The following SLC9A9 variants were observed in gnomAD, a reference collection of about 807,000 sequenced individuals.
The protein encoded by SLC9A9 is solute carrier family 9 member A9.
In SLC9A9, 62 loss-of-function variants were observed where a neutral mutation model predicts 77.8. The observed-to-expected ratio is 0.80, with a 90% CI of 0.65 to 0.98. The LOEUF (loss-of-function observed/expected upper bound fraction) is 0.98. SLC9A9 is among the 50% of genes least tolerant of loss of function. SLC9A9 has a pLI of 0.00. For synonymous variants in SLC9A9, 320 were observed against 283.5 expected, an observed-to-expected ratio of 1.13 and a Z score of -1.29; for missense variants, 775 against 774.9, an observed-to-expected ratio of 1.00 and a Z score of 0.00.
At chr3:143,646,873 A>G (rs1560010902) in intron 6 of SLC9A9, among the ~76,000 whole-genome samples, 1 of 152,156 alleles carries the variant, frequency 6.6e-6, no homozygotes, top group Non-Finnish European at 1.5e-5. Context: ...AGTCCTGAAG[A>G]TTTAAATATT....
At chr3:143,637,178 T>A (rs2038537286) in intron 6 of SLC9A9, among the ~76,000 whole-genome samples, 1 of 152,082 alleles carries the variant, frequency 6.6e-6, no homozygotes, top group Non-Finnish European at 1.5e-5. Context: ...AAAATATGGA[T>A]CATAAGGGAG....
At chr3:143,322,789 T>C in intron 14 of SLC9A9, among the ~76,000 whole-genome samples, 1 of 152,226 alleles carries the variant, frequency 6.6e-6, no homozygotes, top group South Asian at 2.1e-4. Context: ...GAGTCTGACA[T>C]GGTCTTCACA....
chr3:143,567,994 C>T (rs1413509838), intron 8 of SLC9A9, among the ~76,000 whole-genome samples: 1 of 152,082 alleles, frequency 6.6e-6, no homozygotes, highest in African/African-American at 2.4e-5. Flanking sequence ...GTTGAAATAC[C>T]TCATGGACTA....
chr3:143,753,850 G>C (rs150690435), intron 4 of SLC9A9, among the ~76,000 whole-genome samples: 118 of 152,154 alleles, frequency 7.8e-4, no homozygotes, highest in African/African-American at 2.7e-3. Flanking sequence ...TATATAAGAA[G>C]GTGAAGAAAA....
intron 9 of SLC9A9, among the ~76,000 whole-genome samples, chr3:143,538,423 A>G (rs137960296): frequency 9.6e-4 from 146 of 152,328 alleles, no homozygotes; most frequent in African/African-American, 3.1e-3. Context: ...CCAGAAATGA[A>G]TACAGGCAGT....
At chr3:143,555,464 A>T (rs2036964227) in intron 8 of SLC9A9, among the ~76,000 whole-genome samples, 2 of 152,152 alleles carry the variant, frequency 1.3e-5, no homozygotes, top group African/African-American at 4.8e-5. Context: ...CATGGTAGGC[A>T]CTCCGTATTT....
intron 6 of SLC9A9, among the ~76,000 whole-genome samples, chr3:143,595,103 T>C (rs566842515): frequency 7.7e-4 from 118 of 152,296 alleles, no homozygotes; most frequent in Non-Finnish European, 1.4e-3. Flanking sequence ...AGACTTCTTT[T>C]TGAATGCATG....
chr3:143,765,374 G>C (rs1287825408), intron 4 of SLC9A9, among the ~76,000 whole-genome samples: 2 of 151,998 alleles, frequency 1.3e-5, no homozygotes, highest in Non-Finnish European at 2.9e-5. Flanking sequence ...GGTTCAGATC[G>C]TATGAGTGTC....
At chr3:143,385,390 T>C (rs2108500948) in intron 12 of SLC9A9, among the ~76,000 whole-genome samples, 1 of 152,314 alleles carries the variant, frequency 6.6e-6, no homozygotes, top group East Asian at 1.9e-4. Flanking sequence ...CCAACTCCCA[T>C]TGCCTTGGAG....
intron 14 of SLC9A9, among the ~76,000 whole-genome samples, chr3:143,298,983 C>T (rs563347783): frequency 6.6e-6 from 1 of 152,288 alleles, no homozygotes; most frequent in South Asian, 2.1e-4. Flanking sequence ...TCTCAGAGAT[C>T]ATTGTATTAA....
At chr3:143,280,050 T>G (rs1022617653) in intron 14 of SLC9A9, among the ~76,000 whole-genome samples, 1 of 152,018 alleles carries the variant, frequency 6.6e-6, no homozygotes, top group African/African-American at 2.4e-5. Flanking sequence ...CGAACTCCTG[T>G]GCTCAAGCAA....
intron 6 of SLC9A9, among the ~76,000 whole-genome samples, chr3:143,608,519 A>G (rs1315835764): frequency 1.3e-5 from 2 of 152,220 alleles, no homozygotes; most frequent in Non-Finnish European, 2.9e-5. Context: ...TCAGCGGGCC[A>G]AGGACCACCA....
intron 5 of SLC9A9, among the ~76,000 whole-genome samples, chr3:143,683,722 A>C (rs1459406784): frequency 6.6e-6 from 1 of 152,020 alleles, no homozygotes. Context: ...AAAAATTATG[A>C]CCTCTCATCT....
intron 6 of SLC9A9, among the ~76,000 whole-genome samples, chr3:143,588,563 T>A (rs2037593971): frequency 6.6e-6 from 1 of 152,074 alleles, no homozygotes; most frequent in Non-Finnish European, 1.5e-5. Flanking sequence ...GGAAGAAGAG[T>A]TAAAGGAGGT....
chr3:143,749,965 G>A (rs1455048618), intron 4 of SLC9A9, among the ~76,000 whole-genome samples: 3 of 152,082 alleles, frequency 2.0e-5, no homozygotes, highest in African/African-American at 7.2e-5. Flanking sequence ...AAATTACGCA[G>A]GCTCTCCTGC....
At chr3:143,829,862 T>C (rs2009390039) in intron 2 of SLC9A9, among the ~76,000 whole-genome samples, 1 of 152,192 alleles carries the variant, frequency 6.6e-6, no homozygotes, top group African/African-American at 2.4e-5. Context: ...TTTATACACA[T>C]CATCTCATTT....
intron 14 of SLC9A9, among the ~76,000 whole-genome samples, chr3:143,312,573 T>C (rs1402407517): frequency 2.0e-5 from 3 of 152,226 alleles, no homozygotes; most frequent in African/African-American, 4.8e-5. Flanking sequence ...TGCTTTTCTT[T>C]CTAGTAGCTG....
chr3:143,658,928 T>TA (rs2038938130), intron 5 of SLC9A9, among the ~76,000 whole-genome samples: 2 of 152,330 alleles, frequency 1.3e-5, no homozygotes, highest in South Asian at 4.1e-4. Context: ...CCTAGTGCCT[T>TA]AAAATCTTCC....
intron 4 of SLC9A9, among the ~76,000 whole-genome samples, chr3:143,754,799 G>A (rs1361840187): frequency 3.3e-5 from 5 of 152,160 alleles, no homozygotes; most frequent in South Asian, 2.1e-4. Flanking sequence ...CTCCAAAACC[G>A]ATCTTTTCAG....
Sources: allele counts gnomAD v4.1 joint callset (sites outside exome capture counted in the v4.1 genomes callset), GRCh38; gene constraint gnomAD v4.1.1; transcripts MANE v1.5; gene names NCBI Gene and HGNC (gene_info 2026-07-23, HGNC 2026-07-21).